The following CHODL variants were observed in gnomAD, a reference collection of about 807,000 sequenced individuals.
The protein encoded by CHODL is transmembrane protein MT75.
A neutral mutation model predicts 34.5 loss-of-function variants in CHODL; 29 were observed. That is an observed-to-expected ratio of 0.84 (90% CI 0.63 to 1.15). The LOEUF is 1.15. CHODL is among the 50% of genes most tolerant of loss of function. The pLI is 0.00. For missense variants in CHODL, 332 were observed against 332.5 expected (o/e 1.00, Z 0.01); for synonymous variants, 125 against 116.1 (o/e 1.08, Z -0.49).
intron 1 of CHODL, among the ~76,000 whole-genome samples, chr21:17,931,656 A>C (rs1239454358): frequency 6.6e-6 from 1 of 152,202 alleles, no homozygotes; most frequent in African/African-American, 2.4e-5. Flanking sequence ...CAAAATCAGG[A>C]AAACAATGTA....
chr21:17,945,199 G>A (rs1472384534), intron 1 of CHODL, among the ~76,000 whole-genome samples: 1 of 117,736 alleles, frequency 8.5e-6, no homozygotes, highest in South Asian at 3.0e-4. Flanking sequence ...GCAATGGAGC[G>A]AGACTCTGTT....
rs760023227 is a variant in CHODL at position 18,262,073 on chromosome 21, G to A, written c.635-718G>A. Among the ~76,000 whole-genome samples the A allele has an allele frequency of 3.3e-5, 5 of 152,090 alleles. No individual in the cohort carries two copies. In the South Asian group the frequency reaches 6.3e-4, roughly 19 times the overall value. The stretch of plus-strand genomic sequence containing the variant: ...ATTTTTGTAAGTAATGATTGAGAAG[G>A]AGTAATGAAATGAGTTAGCTAAGGT... On this transcript the variant is annotated intron_variant, in intron 4 of 5. Coordinates refer to ENST00000299295, the MANE Select transcript of CHODL (RefSeq NM_024944.3).
chr21:18,174,548 G>C (rs543113022), intron 2 of CHODL, among the ~76,000 whole-genome samples: 1 of 152,082 alleles, frequency 6.6e-6, no homozygotes, highest in Admixed American at 6.5e-5. Context: ...GTCATTTTTT[G>C]AAGATACAAT....
chr21:17,933,181 C>G (rs140202825), intron 1 of CHODL, among the ~76,000 whole-genome samples: 1 of 152,156 alleles, frequency 6.6e-6, no homozygotes, highest in Admixed American at 6.5e-5. Flanking sequence ...TGCCCAGGGA[C>G]GGGCAGGAGA....
chr21:18,060,327 C>T (rs189070908), intron 2 of CHODL, among the ~76,000 whole-genome samples: 152 of 152,044 alleles, frequency 1.0e-3, no homozygotes, highest in Middle Eastern at 3.4e-3. Flanking sequence ...TGGTGGTGCA[C>T]GTCTGTGGTC....
At chr21:18,072,192 A>T (rs1171898452) in intron 2 of CHODL, among the ~76,000 whole-genome samples, 1 of 145,854 alleles carries the variant, frequency 6.9e-6, no homozygotes, top group Non-Finnish European at 1.5e-5. Context: ...GTTAATTCTA[A>T]AACTATTAAT....
At chr21:18,178,761 CA>C (rs1289306772) in intron 2 of CHODL, among the ~76,000 whole-genome samples, 1 of 152,116 alleles carries the variant, frequency 6.6e-6, no homozygotes, top group African/African-American at 2.4e-5. Flanking sequence ...CTTGCTCTCT[CA>C]GGGGTGGCAG....
intron 2 of CHODL, among the ~76,000 whole-genome samples, chr21:18,196,043 G>A (rs2073584058): frequency 6.6e-6 from 1 of 152,040 alleles, no homozygotes; most frequent in Admixed American, 6.5e-5. Flanking sequence ...TGTAATATAA[G>A]AGTGTTGGAT....
intron 2 of CHODL, among the ~76,000 whole-genome samples, chr21:18,140,547 A>G (rs1279750218): frequency 6.6e-6 from 1 of 152,190 alleles, no homozygotes; most frequent in Non-Finnish European, 1.5e-5. Context: ...TGAAAAATGA[A>G]TATTAATTTA....
At chr21:17,976,626 A>T (rs1157687862) in intron 1 of CHODL, among the ~76,000 whole-genome samples, 2 of 152,188 alleles carry the variant, frequency 1.3e-5, no homozygotes, top group Non-Finnish European at 2.9e-5. Flanking sequence ...TACACTTGAC[A>T]CTGTAATCTT....
intron 1 of CHODL, among the ~76,000 whole-genome samples, chr21:17,975,109 C>T (rs901509219): frequency 2.0e-5 from 3 of 151,952 alleles, no homozygotes; most frequent in African/African-American, 4.8e-5. Flanking sequence ...AGGTGGAACA[C>T]GAGGTCAGGA....
chr21:18,004,080 G>T (rs569243081), intron 1 of CHODL, among the ~76,000 whole-genome samples: 1 of 152,280 alleles, frequency 6.6e-6, no homozygotes, highest in Admixed American at 6.5e-5. Flanking sequence ...CAAAGTGTTT[G>T]CCTTTTTCTT....
intron 1 of CHODL, among the ~76,000 whole-genome samples, chr21:17,937,268 A>G (rs1385557751): frequency 2.0e-5 from 3 of 152,138 alleles, no homozygotes; most frequent in African/African-American, 4.8e-5. Context: ...CAGAGAAAAG[A>G]GAAGTTTTGA....
intron 1 of CHODL, among the ~76,000 whole-genome samples, chr21:17,968,710 T>C (rs2146360086): frequency 6.6e-6 from 1 of 152,328 alleles, no homozygotes; most frequent in South Asian, 2.1e-4. Context: ...ATTTACCAAA[T>C]GCTAACCAAT....
At chr21:18,192,919 T>G (rs2073527950) in intron 2 of CHODL, among the ~76,000 whole-genome samples, 1 of 152,206 alleles carries the variant, frequency 6.6e-6, no homozygotes, top group South Asian at 2.1e-4. Flanking sequence ...TAAGCTCTAC[T>G]ACTTTTTTAA....
chr21:18,168,956 G>C (rs903502731), intron 2 of CHODL, among the ~76,000 whole-genome samples: 1 of 151,872 alleles, frequency 6.6e-6, no homozygotes, highest in African/African-American at 2.4e-5. Context: ...GTAAGATTGG[G>C]GTTCAACTTC....
chr21:18,130,799 A>G (rs982473393), intron 2 of CHODL, among the ~76,000 whole-genome samples: 1 of 152,218 alleles, frequency 6.6e-6, no homozygotes, highest in Non-Finnish European at 1.5e-5. Flanking sequence ...CCACTAAAGA[A>G]TGTTATTTAT....
intron 1 of CHODL, among the ~76,000 whole-genome samples, chr21:17,961,193 G>A (rs117106025): frequency 0.015 from 2,295 of 152,170 alleles, 19 homozygotes; most frequent in Middle Eastern, 0.041. Context: ...CTCCCTATGC[G>A]TAAGACTTCA....
intron 2 of CHODL, among the ~76,000 whole-genome samples, chr21:18,089,017 C>T (rs1420872993): frequency 2.0e-5 from 3 of 152,176 alleles, no homozygotes; most frequent in African/African-American, 7.2e-5. Context: ...TTCACCTCCT[C>T]CTGATGGGTA....
Sources: gnomAD v4.1 joint callset for allele counts (sites outside exome capture counted in the v4.1 genomes callset) on GRCh38, gnomAD v4.1.1 for gene constraint, MANE v1.5 for transcripts, NCBI Gene and HGNC (gene_info 2026-07-23, HGNC 2026-07-21) for gene names.